The following LPP variants were observed in gnomAD, a reference collection of about 807,000 sequenced individuals.
LPP encodes the protein LIM domain containing preferred translocation partner in lipoma.
In LPP, 38 loss-of-function variants were observed where a neutral mutation model predicts 60.4. The ratio of observed to expected loss-of-function variants is 0.63; its 90% CI spans 0.49 to 0.83. The LOEUF is 0.83. Ranked by LOEUF, LPP falls within the 40% of genes least tolerant of loss-of-function variation. LPP has a pLI of 0.00. For synonymous variants in LPP, 328 were observed against 290.8 expected (o/e 1.13, Z -1.30); for missense variants, 902 against 783.6 (o/e 1.15, Z -1.80).
intron 7 of LPP, among the ~76,000 whole-genome samples, chr3:188,629,605 T>C (rs116597335): frequency 0.01 from 1,571 of 152,146 alleles, 20 homozygotes; most frequent in African/African-American, 0.036. Context: ...TTCATGTTCA[T>C]AGATAGGAAA....
chr3:188,592,563 T>TTTTTTTTTTTTATTGG lies in LPP; in HGVS notation c.430-16598_430-16597insTTTTTTTTTTTATTGG. On this transcript the variant is annotated intron_variant, in intron 6 of 11. Coordinates refer to ENST00000617246, the MANE Select transcript of LPP (RefSeq NM_001375462.1). ...TGTTTTTAGTTTTGTTTTTGTTTTT[T>TTTTTTTTTTTTATTGG]AAATGGAGTCTCACTCTTTCTCCCA... Among the ~76,000 whole-genome samples, 2 of 77,226 alleles carry TTTTTTTTTTTTATTGG rather than the reference T, an allele frequency of 2.6e-5. 1 individual carries two copies. The highest frequency in any genetic ancestry group is 5.5e-5 in the Non-Finnish European group (2 of 36,200). 50.7% of individuals were successfully genotyped at this position (77,226 alleles called of 152,430 possible).
At chr3:188,206,830 A>G (rs1469759487) in intron 1 of LPP, among the ~76,000 whole-genome samples, 1 of 152,112 alleles carries the variant, frequency 6.6e-6, no homozygotes, top group Non-Finnish European at 1.5e-5. Flanking sequence ...TTGTTTTCTC[A>G]TTTGTAATAT....
intron 4 of LPP, among the ~76,000 whole-genome samples, chr3:188,407,774 T>TGTTG (rs200794374): frequency 9.5e-5 from 3 of 31,710 alleles, no homozygotes; most frequent in Non-Finnish European, 2.1e-4. Context: ...TATGGTTTTT[T>TGTTG]TTTTTGTTTG....
chr3:188,463,106 AAAC>A (rs1320880238), intron 4 of LPP, among the ~76,000 whole-genome samples: 64 of 152,294 alleles, frequency 4.2e-4, no homozygotes, highest in East Asian at 1.7e-3. Context: ...CTGTCTCCAA[AAAC>A]AACAACAACA....
At chr3:188,658,900 C>T (rs1170753233) in intron 7 of LPP, among the ~76,000 whole-genome samples, 1 of 152,132 alleles carries the variant, frequency 6.6e-6, no homozygotes, top group Non-Finnish European at 1.5e-5. Flanking sequence ...TGATGATACT[C>T]CAGAGCCCCA....
intron 8 of LPP, among the ~76,000 whole-genome samples, chr3:188,753,804 G>A (rs1217601506): frequency 1.3e-5 from 2 of 151,818 alleles, no homozygotes; most frequent in Admixed American, 1.3e-4. Flanking sequence ...TGTATTTGTA[G>A]AGGGAAAAAC....
At chr3:188,419,715 C>T (rs1787264318) in intron 4 of LPP, among the ~76,000 whole-genome samples, 1 of 152,020 alleles carries the variant, frequency 6.6e-6, no homozygotes, top group Non-Finnish European at 1.5e-5. Flanking sequence ...CATGGCAAAA[C>T]CCCGACTTTA....
At chr3:188,832,489 T>C (rs1757370268) in intron 9 of LPP, among the ~76,000 whole-genome samples, 1 of 152,120 alleles carries the variant, frequency 6.6e-6, no homozygotes, top group Admixed American at 6.5e-5. Context: ...AGACTCCGAG[T>C]GGAGGACCCA....
At chr3:188,772,457 C>G (rs1736348470) in intron 9 of LPP, among the ~76,000 whole-genome samples, 1 of 152,196 alleles carries the variant, frequency 6.6e-6, no homozygotes. Context: ...CCCTTGAAGA[C>G]TGTGCGGGGT....
chr3:188,708,480 G>A (rs755506303), intron 8 of LPP, 87 bp downstream of exon 8: 2 of 1,559,448 alleles, frequency 1.3e-6, no homozygotes, highest in Non-Finnish European at 1.8e-6. Flanking sequence ...CAGCTCCACT[G>A]GTAAAGTATT....
intron 2 of LPP, among the ~76,000 whole-genome samples, chr3:188,244,426 G>A (rs1486339334): frequency 6.6e-6 from 1 of 152,106 alleles, no homozygotes; most frequent in Non-Finnish European, 1.5e-5. Context: ...TTGGGTTCTG[G>A]GTTCCAGTCC....
chr3:188,860,937 GA>G (rs1470957431), intron 9 of LPP, among the ~76,000 whole-genome samples: 1 of 152,194 alleles, frequency 6.6e-6, no homozygotes, highest in Non-Finnish European at 1.5e-5. Flanking sequence ...TGATGTAGCA[GA>G]GAGAGTCTCC....
At chr3:188,517,610 A>G (rs1817720678) in intron 5 of LPP, among the ~76,000 whole-genome samples, 1 of 152,192 alleles carries the variant, frequency 6.6e-6, no homozygotes, top group African/African-American at 2.4e-5. Flanking sequence ...TTATAGTTCC[A>G]CATGGCTGGG....
chr3:188,831,488 C>T (rs1041632230), intron 9 of LPP, among the ~76,000 whole-genome samples: 1 of 152,130 alleles, frequency 6.6e-6, no homozygotes, highest in Non-Finnish European at 1.5e-5. Context: ...CATTTTTGGT[C>T]TCTAGCTGGG....
intron 7 of LPP, among the ~76,000 whole-genome samples, chr3:188,646,500 GT>G (rs1457840078): frequency 6.6e-6 from 1 of 152,212 alleles, no homozygotes; most frequent in African/African-American, 2.4e-5. Flanking sequence ...TGTAGGCAGA[GT>G]TTTTGTTATC....
intron 6 of LPP, among the ~76,000 whole-genome samples, chr3:188,550,032 G>T (rs1827676741): frequency 6.6e-6 from 1 of 151,944 alleles, no homozygotes; most frequent in African/African-American, 2.4e-5. Context: ...TCTTTGTATG[G>T]GTCTTAGATA....
intron 3 of LPP, among the ~76,000 whole-genome samples, chr3:188,396,670 C>T (rs12107245): frequency 0.14 from 21,504 of 152,134 alleles, 2,694 homozygotes; most frequent in African/African-American, 0.33. Context: ...AGGCACTTAG[C>T]GTCTCACCTT....
At chr3:188,446,800 C>T (rs1795339180) in intron 4 of LPP, among the ~76,000 whole-genome samples, 1 of 152,188 alleles carries the variant, frequency 6.6e-6, no homozygotes, top group South Asian at 2.1e-4. Flanking sequence ...TGATTGTTTT[C>T]ATGGCTTTCT....
At chr3:188,673,774 C>T (rs928743921) in intron 7 of LPP, among the ~76,000 whole-genome samples, 9 of 151,940 alleles carry the variant, frequency 5.9e-5, no homozygotes, top group Non-Finnish European at 7.4e-5. Context: ...GAAGGAGAGG[C>T]GGGACTTATT....
Sources: allele counts gnomAD v4.1 joint callset (sites outside exome capture counted in the v4.1 genomes callset), GRCh38; gene constraint gnomAD v4.1.1; transcripts MANE v1.5; gene names NCBI Gene and HGNC (gene_info 2026-07-23, HGNC 2026-07-21).